FRAS1: variants seen among roughly 807,000 people sequenced by gnomAD.
FRAS1 encodes the protein Fraser extracellular matrix complex subunit 1.
Under a neutral mutation model 435.2 loss-of-function variants are expected in FRAS1, and 290 were observed. That is an observed-to-expected ratio of 0.67 (90% CI 0.61 to 0.73). The LOEUF (loss-of-function observed/expected upper bound fraction) is 0.73. Among genes scored for constraint, FRAS1 ranks in the 30% least tolerant of loss-of-function variants. The pLI is 0.00. For missense variants in FRAS1, 4,860 were observed against 5,001.5 expected, an observed-to-expected ratio of 0.97 and a Z score of 0.85; for synonymous variants, 1,800 against 1,851.0, an observed-to-expected ratio of 0.97 and a Z score of 0.71.
At chr4:78,096,476 C>A (rs975982338) in intron 2 of FRAS1, among the ~76,000 whole-genome samples, 6 of 152,212 alleles carry the variant, frequency 3.9e-5, no homozygotes. Context: ...ACTACCCTAG[C>A]AGAGGTTCTC....
chr4:78,198,137 C>G (rs1186652360), intron 2 of FRAS1, among the ~76,000 whole-genome samples: 1 of 152,150 alleles, frequency 6.6e-6, no homozygotes, highest in Non-Finnish European at 1.5e-5. Context: ...AAGGCGGCCT[C>G]TTTTCACTTT....
intron 2 of FRAS1, among the ~76,000 whole-genome samples, chr4:78,154,811 G>C (rs925852600): frequency 6.6e-6 from 1 of 152,162 alleles, no homozygotes; most frequent in Non-Finnish European, 1.5e-5. Context: ...GTTAGTATGC[G>C]CAGTTCCATG....
chr4:78,367,461 C>T (rs904330926), intron 22 of FRAS1, among the ~76,000 whole-genome samples: 1 of 151,152 alleles, frequency 6.6e-6, no homozygotes, highest in Non-Finnish European at 1.5e-5. Context: ...GGAAGTAAGT[C>T]ATAAGAAACC....
intron 2 of FRAS1, among the ~76,000 whole-genome samples, chr4:78,125,284 T>A (rs1719280575): frequency 6.6e-6 from 1 of 152,230 alleles, no homozygotes; most frequent in Admixed American, 6.5e-5. Flanking sequence ...TCAATTTCCA[T>A]GTAATTGTGT....
chr4:78,119,726 G>T (rs1008049122), intron 2 of FRAS1, among the ~76,000 whole-genome samples: 1 of 152,182 alleles, frequency 6.6e-6, no homozygotes, highest in Non-Finnish European at 1.5e-5. Flanking sequence ...ACGTAACACA[G>T]TTCTGAGGAT....
Position 78,426,284 on chromosome 4 carries a change from G to A in FRAS1, c.4711+1864G>A, listed in dbSNP as rs1372881607. On this transcript the variant is annotated intron_variant, in intron 35 of 73. Coordinates refer to ENST00000512123, the MANE Select transcript of FRAS1 (RefSeq NM_025074.7). ...TCCAAGCCTCAACTCTTACCTGAAA[G>A]CTTGAGTAGGTGAAGGGTTAACAAT... Among the ~76,000 whole-genome samples the A allele has an allele frequency of 2.0e-5, 3 of 152,196 alleles. No individual in the cohort carries two copies. In the East Asian group the frequency reaches 5.8e-4, roughly 29 times the overall value.
At chr4:78,280,761 A>C (rs982315132) in intron 10 of FRAS1, among the ~76,000 whole-genome samples, 1 of 152,182 alleles carries the variant, frequency 6.6e-6, no homozygotes, top group African/African-American at 2.4e-5. Flanking sequence ...TAGCGATAAC[A>C]ATAGGACTTA....
intron 18 of FRAS1, among the ~76,000 whole-genome samples, chr4:78,324,987 A>G (rs1729661963): frequency 6.6e-6 from 1 of 152,180 alleles, no homozygotes; most frequent in Non-Finnish European, 1.5e-5. Context: ...TTATTTTAAA[A>G]ATGAACTCTG....
chr4:78,062,621 T>C (rs1447539914), intron 1 of FRAS1, among the ~76,000 whole-genome samples: 2 of 152,200 alleles, frequency 1.3e-5, no homozygotes, highest in African/African-American at 4.8e-5. Flanking sequence ...AAATTATATC[T>C]CAAAATTTCT....
At chr4:78,432,795 A>G (rs1734267286) in intron 38 of FRAS1, among the ~76,000 whole-genome samples, 191 bp downstream of exon 38, 2 of 152,216 alleles carry the variant, frequency 1.3e-5, no homozygotes, top group South Asian at 2.1e-4. Context: ...CCAGTGTCTC[A>G]TGAGCAGACA....
At chr4:78,278,227 G>A (rs1727157757) in intron 9 of FRAS1, among the ~76,000 whole-genome samples, 1 of 152,222 alleles carries the variant, frequency 6.6e-6, no homozygotes. Context: ...ATACAGGGAT[G>A]CATCTGATTT....
intron 58 of FRAS1, among the ~76,000 whole-genome samples, chr4:78,485,245 C>T (rs773160158): frequency 1.3e-5 from 2 of 152,196 alleles, no homozygotes; most frequent in African/African-American, 2.4e-5. Flanking sequence ...ACCTGGCACA[C>T]AGTAAATTTT....
At chr4:78,336,366 T>C (rs1030042798) in intron 19 of FRAS1, among the ~76,000 whole-genome samples, 1 of 152,186 alleles carries the variant, frequency 6.6e-6, no homozygotes, top group African/African-American at 2.4e-5. Context: ...TTTTTGTATG[T>C]ATAAAATTGT....
intron 68 of FRAS1, 144 bp from the exon 69 acceptor site, chr4:78,522,505 C>A: frequency 2.9e-6 from 2 of 697,498 alleles, no homozygotes; most frequent in Non-Finnish European, 4.7e-6. Flanking sequence ...GGAATATATT[C>A]TAAGGGGCAA....
Position 78,515,917 on chromosome 4 carries a change from C to T in FRAS1, c.10293C>T (p.His3431=). The change falls in exon 66 of 74, where the codon CAC becomes CAT. Residue 3431 remains histidine, a synonymous_variant. Transcript: ENST00000512123. The part of the protein sequence containing the change: ...REPKTIQLYK[H]LNLKSCVWTF... The stretch of plus-strand genomic sequence containing the variant: ...CGAAGACCATCCAGCTCTACAAACA[C>T]CTGAACCTGAAGAGCTGCGTGTGGA... 1.2e-6 allele frequency: 2 copies of T among 1,614,004 alleles called. No homozygotes were observed. The highest frequency in any genetic ancestry group is 1.7e-6 in the Non-Finnish European group (2 of 1,179,890).
At chr4:78,084,257 GTTA>G (rs772586059) in intron 2 of FRAS1, among the ~76,000 whole-genome samples, 40 of 152,066 alleles carry the variant, frequency 2.6e-4, no homozygotes, top group African/African-American at 7.2e-4. Context: ...TTTACTATGA[GTTA>G]TTATTAGTCT....
At chr4:78,375,490 A>G (rs1347389806) in intron 25 of FRAS1, among the ~76,000 whole-genome samples, 1 of 152,218 alleles carries the variant, frequency 6.6e-6, no homozygotes, top group African/African-American at 2.4e-5. Context: ...TTACAAGTCA[A>G]TATGGTTAAC....
At chr4:78,121,730 G>T (rs1719034381) in intron 2 of FRAS1, among the ~76,000 whole-genome samples, 1 of 152,178 alleles carries the variant, frequency 6.6e-6, no homozygotes, top group Non-Finnish European at 1.5e-5. Context: ...TTTTACAGTA[G>T]AACAGCTATG....
chr4:78,455,427 G>GC (rs1236455882), intron 47 of FRAS1, among the ~76,000 whole-genome samples: 5 of 151,388 alleles, frequency 3.3e-5, no homozygotes, highest in Non-Finnish European at 7.4e-5. Context: ...AGGAGGGAGG[G>GC]GGTTCTGTTA....
Sources: allele counts gnomAD v4.1 joint callset (sites outside exome capture counted in the v4.1 genomes callset), GRCh38; gene constraint gnomAD v4.1.1; transcripts MANE v1.5; gene names NCBI Gene and HGNC (gene_info 2026-07-23, HGNC 2026-07-21).